COL15A1: variants seen among roughly 807,000 people sequenced by gnomAD.
The protein encoded by COL15A1 is collagen alpha-1(XV) chain.
COL15A1 carries 111 observed loss-of-function variants against 165.9 expected under a neutral mutation model. That is an observed-to-expected ratio of 0.67 (90% CI 0.57 to 0.78). COL15A1 has a LOEUF of 0.78. COL15A1 is among the 30% of genes least tolerant of loss of function. The pLI is 0.00. For synonymous variants in COL15A1, 659 were observed against 674.8 expected (o/e 0.98, Z 0.36); for missense variants, 1,745 against 1,789.7 (o/e 0.98, Z 0.45).
At chr9:99,036,973 G>C (rs1334760114) in intron 21 of COL15A1, among the ~76,000 whole-genome samples, 3 of 152,202 alleles carry the variant, frequency 2.0e-5, no homozygotes, top group Admixed American at 1.3e-4. Flanking sequence ...CCACGGAGGG[G>C]GTACAGGAGC....
rs917615886 is a variant in COL15A1 at position 99,016,004 on chromosome 9, C to T, written c.1532C>T (p.Ala511Val). The change falls in exon 11 of 42, where the codon GCA (alanine) becomes GTA (valine). Residue 511 changes from alanine (A) to valine (V), a missense_variant. Coordinates refer to ENST00000375001, the MANE Select transcript of COL15A1 (RefSeq NM_001855.5). ...CCTGGTGATGAAGAAGACTTGGCAG[C>T]AGCCACAACAGAGGAGCCCCTCATC... ...SGPGDEEDLA[A>V]ATTEEPLITA... is the part of the protein sequence containing the mutation. 1.9e-6 allele frequency: 3 copies of T among 1,613,794 alleles called. No individual in the cohort carries two copies. The highest frequency in any genetic ancestry group is 2.5e-6 in the Non-Finnish European group (3 of 1,179,904).
chr9:99,055,959 C>T (rs1351642343), intron 34 of COL15A1, among the ~76,000 whole-genome samples: 3 of 152,184 alleles, frequency 2.0e-5, no homozygotes, highest in Admixed American at 6.5e-5. Flanking sequence ...TTGGGCAAGT[C>T]CTTTCACTTC....
At chr9:98,968,357 C>T (rs1302821256) in intron 2 of COL15A1, among the ~76,000 whole-genome samples, 1 of 152,286 alleles carries the variant, frequency 6.6e-6, no homozygotes, top group South Asian at 2.1e-4. Context: ...GTTCTGGAGG[C>T]GAGAAGTGTG....
At chr9:98,992,100 G>T (rs2416664) in intron 5 of COL15A1, among the ~76,000 whole-genome samples, 17,643 of 152,298 alleles carry the variant, frequency 0.12, 1,191 homozygotes, top group East Asian at 0.27. Context: ...CGGCCTGCCA[G>T]TCCCACGCTG....
chr9:98,988,397 A>G (rs1009969981), intron 4 of COL15A1, among the ~76,000 whole-genome samples: 8 of 152,334 alleles, frequency 5.3e-5, no homozygotes, highest in African/African-American at 1.7e-4. Context: ...GATTGGTTAC[A>G]AAATCACAGC....
intron 2 of COL15A1, among the ~76,000 whole-genome samples, chr9:98,965,751 G>A (rs78014779): frequency 0.047 from 7,101 of 152,210 alleles, 446 homozygotes; most frequent in East Asian, 0.12. Flanking sequence ...CCCAGTGGGC[G>A]GGGAGTGCTC....
At chr9:98,961,210 G>A (rs1837860570) in intron 2 of COL15A1, among the ~76,000 whole-genome samples, 2 of 152,270 alleles carry the variant, frequency 1.3e-5, no homozygotes, top group South Asian at 2.1e-4. Flanking sequence ...GTGATATCCT[G>A]GGCAGAAAAT....
intron 2 of COL15A1, among the ~76,000 whole-genome samples, chr9:98,972,084 G>C (rs1038749339): frequency 7.9e-5 from 12 of 152,224 alleles, no homozygotes; most frequent in Non-Finnish European, 1.6e-4. Context: ...TGCGAAGTAG[G>C]GTTCTCACTG....
At chr9:99,001,247 G>A (rs1187858278) in intron 7 of COL15A1, among the ~76,000 whole-genome samples, 1 of 152,206 alleles carries the variant, frequency 6.6e-6, no homozygotes, top group Non-Finnish European at 1.5e-5. Context: ...GCTCAGTTGT[G>A]AAGGCACATA....
intron 34 of COL15A1, among the ~76,000 whole-genome samples, chr9:99,055,806 G>A (rs1164015246): frequency 2.0e-5 from 3 of 152,206 alleles, no homozygotes; most frequent in African/African-American, 7.2e-5. Context: ...CCAGGTGAAA[G>A]GAGAGAAAGT....
intron 34 of COL15A1, among the ~76,000 whole-genome samples, 155 bp from the exon 35 acceptor site, chr9:99,056,105 C>A (rs1400564479): frequency 6.6e-6 from 1 of 152,170 alleles, no homozygotes; most frequent in Non-Finnish European, 1.5e-5. Context: ...ATCTTGGAGG[C>A]CTTACCCCAC....
In COL15A1 at chr9:98,959,180, C is replaced by T. The variant is rs531721350; in HGVS notation, c.100+14930C>T. ...CCGAGGTGGGAGGATCTCTTGAAGC[C>T]AGGAGTTCGAGACCAGCCTAGGCAA... On this transcript the variant is annotated intron_variant, in intron 2 of 41. Coordinates refer to ENST00000375001, the MANE Select transcript of COL15A1 (RefSeq NM_001855.5). Among the ~76,000 whole-genome samples, 15 of 132,450 alleles carry T rather than the reference C, an allele frequency of 1.1e-4. 1 individual carries two copies. The highest frequency in any genetic ancestry group is 2.3e-4 in the Non-Finnish European group (15 of 65,394). The allele number at this position is 132,450 out of a possible 152,430, so 86.9% of individuals were successfully genotyped here.
intron 39 of COL15A1, among the ~76,000 whole-genome samples, chr9:99,065,975 C>T (rs557905442): frequency 1.3e-5 from 2 of 151,862 alleles, no homozygotes; most frequent in Non-Finnish European, 2.9e-5. Flanking sequence ...CACTGGCCGC[C>T]TCCTGCCCCA....
chr9:99,052,906 C>T lies in COL15A1; in HGVS notation c.2950+473C>T, dbSNP rs557573621. Among the ~76,000 whole-genome samples, 3 of 152,308 alleles carry T rather than the reference C, an allele frequency of 2.0e-5. No homozygotes were observed. The South Asian group carries it at 6.2e-4, about 32-fold the overall frequency. ...GGAGACCCTTGCCTCGGTGTCCATG[C>T]AACTTTGTAAGCATCTCCTGGGAGC... On this transcript the variant is annotated intron_variant, in intron 31 of 41. Transcript: ENST00000375001.
At chr9:99,013,749 T>A (rs371151658) in intron 9 of COL15A1, among the ~76,000 whole-genome samples, 4 of 152,114 alleles carry the variant, frequency 2.6e-5, no homozygotes, top group African/African-American at 9.7e-5. Flanking sequence ...AAGAATCTGC[T>A]CATGACTCTT....
intron 9 of COL15A1, among the ~76,000 whole-genome samples, chr9:99,013,682 C>T (rs542305369): frequency 5.9e-5 from 9 of 152,084 alleles, no homozygotes; most frequent in Non-Finnish European, 1.0e-4. Context: ...TCTGGTACCC[C>T]CAAAAGCCAA....
chr9:99,041,913 A>C, intron 23 of COL15A1, 132 bp from the exon 24 acceptor site: 1 of 628,270 alleles, frequency 1.6e-6, no homozygotes, highest in Non-Finnish European at 2.8e-6. Flanking sequence ...AAAATGTCAT[A>C]GGTAATCATG....
rs765121647 is a variant in COL15A1, at chr9:99,069,666, T to C, written c.3954-7T>C. 1 of 1,587,576 alleles carries C rather than the reference T, an allele frequency of 6.3e-7. No homozygotes were observed. Among genetic ancestry groups the C allele is most frequent in the Admixed American group, 1.8e-5 (1 of 57,126 alleles). On this transcript the variant is annotated splice_region_variant and splice_polypyrimidine_tract_variant and intron_variant, in intron 41 of 41. Coordinates refer to ENST00000375001, the MANE Select transcript of COL15A1 (RefSeq NM_001855.5). Reference sequence around the variant, plus strand: ...TTGAAAAATAACATGACAAAATTACTTTATAGGCCCCAGAAAGTCATTTGG... The same window carrying C: ...TTGAAAAATAACATGACAAAATTACCTTATAGGCCCCAGAAAGTCATTTGG...
At chr9:98,990,336 G>C (rs1408669751) in intron 5 of COL15A1, among the ~76,000 whole-genome samples, 1 of 152,232 alleles carries the variant, frequency 6.6e-6, no homozygotes, top group African/African-American at 2.4e-5. Flanking sequence ...CATGGCCTGA[G>C]TGGTATTGCA....
Sources: allele counts gnomAD v4.1 joint callset (sites outside exome capture counted in the v4.1 genomes callset), GRCh38; gene constraint gnomAD v4.1.1; transcripts MANE v1.5; gene names NCBI Gene and HGNC (gene_info 2026-07-23, HGNC 2026-07-21).